Variants in RHBDL2 observed in about 807,000 individuals in gnomAD.
RHBDL2 encodes rhomboid like 2.
Under a neutral mutation model 31.7 loss-of-function variants are expected in RHBDL2, and 26 were observed. The observed-to-expected ratio is 0.82, with a 90% CI of 0.60 to 1.14. The LOEUF is 1.14. Among genes scored for constraint, RHBDL2 ranks in the 50% most tolerant of loss-of-function variants. The pLI, the probability that RHBDL2 is intolerant of heterozygous loss-of-function variation, is 0.00. For synonymous variants in RHBDL2, 123 were observed against 127.2 expected (o/e 0.97, Z 0.22); for missense variants, 336 against 364.4 (o/e 0.92, Z 0.63).
intron 4 of RHBDL2, among the ~76,000 whole-genome samples, chr1:38,900,167 C>A (rs1642971330): frequency 1.3e-5 from 2 of 152,190 alleles, no homozygotes; most frequent in African/African-American, 4.8e-5. Context: ...GGCCTGTAAT[C>A]TCAGCACTTT....
chr1:38,892,545 C>T (rs569629081), intron 6 of RHBDL2, among the ~76,000 whole-genome samples: 10 of 152,144 alleles, frequency 6.6e-5, no homozygotes, highest in Non-Finnish European at 1.5e-4. Context: ...CTTCTTTCTG[C>T]TTAGTGCTGT....
chr1:38,895,222 T>C (rs1642903010), intron 5 of RHBDL2, among the ~76,000 whole-genome samples: 1 of 152,152 alleles, frequency 6.6e-6, no homozygotes, highest in South Asian at 2.1e-4. Flanking sequence ...GTCATTGTTA[T>C]AAGATTAACA....
chr1:38,901,059 A>G (rs911498697), intron 4 of RHBDL2, among the ~76,000 whole-genome samples: 7 of 1,118 alleles, frequency 6.3e-3, no homozygotes, highest in African/African-American at 0.059. Context: ...AAATAGATAA[A>G]TAAATAAATA....
rs139309825 is a variant in RHBDL2, at chr1:38,901,841, A to AAAATAAATAAAT, written c.509-5784_509-5773dup. Among the ~76,000 whole-genome samples the AAAATAAATAAAT allele has an allele frequency of 1.5e-4, 23 of 149,054 alleles. No individual in the cohort carries two copies. The East Asian group carries it at 2.3e-3, about 15-fold the overall frequency. ...AGCGAGACTCCATCTCAAAAAAAAT[A>AAAATAAATAAAT]AAATAAATAAATAAATAAATAAATA... On this transcript the variant is annotated intron_variant, in intron 4 of 7. Coordinates refer to ENST00000372990, the MANE Select transcript of RHBDL2 (RefSeq NM_017821.5).
intron 1 of RHBDL2, among the ~76,000 whole-genome samples, chr1:38,937,580 C>T (rs1643524247): frequency 6.6e-6 from 1 of 152,096 alleles, no homozygotes; most frequent in Non-Finnish European, 1.5e-5. Flanking sequence ...GCCCCCGCAT[C>T]CCCAGTTCCA....
chr1:38,901,116 A>G (rs1438114195), intron 4 of RHBDL2, among the ~76,000 whole-genome samples: 2 of 152,042 alleles, frequency 1.3e-5, no homozygotes, highest in Non-Finnish European at 2.9e-5. Context: ...TTACAGGAAC[A>G]CAAAAATATG....
intron 6 of RHBDL2, among the ~76,000 whole-genome samples, chr1:38,888,503 T>C (rs1642814607): frequency 6.6e-6 from 1 of 152,140 alleles, no homozygotes. Flanking sequence ...TCAAGGAGGA[T>C]CTCTTTGAGA....
intron 1 of RHBDL2, among the ~76,000 whole-genome samples, chr1:38,933,459 G>C (rs1643459352): frequency 6.6e-6 from 1 of 152,150 alleles, no homozygotes; most frequent in Admixed American, 6.6e-5. Flanking sequence ...CTTTCTGCTA[G>C]AATATGACCT....
chr1:38,912,037 T>A (rs1034855355), intron 3 of RHBDL2, among the ~76,000 whole-genome samples: 1 of 152,002 alleles, frequency 6.6e-6, no homozygotes, highest in African/African-American at 2.4e-5. Flanking sequence ...AATGGCATGA[T>A]CTCGGCTCAC....
At chr1:38,941,087 C>T (rs140166504) in intron 1 of RHBDL2, among the ~76,000 whole-genome samples, 97 of 152,276 alleles carry the variant, frequency 6.4e-4, no homozygotes, top group African/African-American at 2.1e-3. Flanking sequence ...GCAGAAATTG[C>T]GCAGCCCTCC....
chr1:38,911,013 G>A (rs1452538989), intron 4 of RHBDL2, among the ~76,000 whole-genome samples: 1 of 151,840 alleles, frequency 6.6e-6, no homozygotes, highest in Non-Finnish European at 1.5e-5. Flanking sequence ...TCCTGGCCTC[G>A]TGTGATCTAC....
intron 1 of RHBDL2, among the ~76,000 whole-genome samples, chr1:38,938,647 A>C (rs1643534347): frequency 6.6e-6 from 1 of 152,200 alleles, no homozygotes; most frequent in Admixed American, 6.6e-5. Context: ...AAAATTTTTT[A>C]ATTAAAGAAA....
chr1:38,940,216 C>A (rs1396795331), intron 1 of RHBDL2, among the ~76,000 whole-genome samples: 1 of 152,096 alleles, frequency 6.6e-6, no homozygotes, highest in African/African-American at 2.4e-5. Context: ...AGCCTGCATC[C>A]ATAGTTTAGG....
At chr1:38,895,688 C>CA (rs1054249421) in intron 5 of RHBDL2, among the ~76,000 whole-genome samples, 1 of 152,048 alleles carries the variant, frequency 6.6e-6, no homozygotes, top group Non-Finnish European at 1.5e-5. Context: ...CCTGTAGTCC[C>CA]AGCTATTTAG....
intron 1 of RHBDL2, among the ~76,000 whole-genome samples, chr1:38,919,583 C>T (rs1290940685): frequency 1.3e-5 from 2 of 151,444 alleles, no homozygotes; most frequent in African/African-American, 4.9e-5. Flanking sequence ...ACCATTTTCG[C>T]CATTTAATAT....
intron 4 of RHBDL2, among the ~76,000 whole-genome samples, chr1:38,900,989 A>G (rs978204028): frequency 1.3e-5 from 2 of 152,084 alleles, no homozygotes; most frequent in African/African-American, 4.8e-5. Context: ...CAGAGGCTAC[A>G]GTGAGCCAAG....
chr1:38,909,326 C>T (rs1438885345), intron 4 of RHBDL2, among the ~76,000 whole-genome samples: 1 of 152,182 alleles, frequency 6.6e-6, no homozygotes, highest in Non-Finnish European at 1.5e-5. Context: ...TTCCACCCTT[C>T]CGTATCACGA....
At chr1:38,929,701 C>T (rs1461125159) in intron 1 of RHBDL2, 48 of 489,378 alleles carry the variant, frequency 9.8e-5, no homozygotes, top group South Asian at 1.7e-4. Flanking sequence ...GGGAGACTTT[C>T]GGTGGTGTTG....
chr1:38,908,590 G>A (rs1255870153), intron 4 of RHBDL2, among the ~76,000 whole-genome samples: 3 of 146,842 alleles, frequency 2.0e-5, no homozygotes, highest in South Asian at 2.2e-4. Context: ...AAGTTCCCTT[G>A]TCCCCCTCGC....
Sources: allele counts gnomAD v4.1 joint callset (sites outside exome capture counted in the v4.1 genomes callset), GRCh38; gene constraint gnomAD v4.1.1; transcripts MANE v1.5; gene names NCBI Gene and HGNC (gene_info 2026-07-23, HGNC 2026-07-21).